The following TGFBR3 variants were observed in gnomAD, a reference collection of about 807,000 sequenced individuals.
The protein encoded by TGFBR3 is transforming growth factor beta receptor 3.
Under a neutral mutation model 87.9 loss-of-function variants are expected in TGFBR3, and 46 were observed. The ratio of observed to expected loss-of-function variants is 0.52; its 90% CI spans 0.41 to 0.67. TGFBR3 has a LOEUF of 0.67. Ranked by LOEUF, TGFBR3 falls within the 30% of genes least tolerant of loss-of-function variation. The pLI is 0.00. For missense variants in TGFBR3, 866 were observed against 1,041.9 expected (o/e 0.83, Z 2.32); for synonymous variants, 381 against 391.6 (o/e 0.97, Z 0.32).
rs892687423 is a variant in TGFBR3, at chr1:91,810,960, C to T, written c.62-13489G>A. Among the ~76,000 whole-genome samples, 9 of 152,242 alleles carry T rather than the reference C, an allele frequency of 5.9e-5. No homozygotes were observed. The South Asian group carries it at 8.3e-4, about 14-fold the overall frequency. The stretch of plus-strand genomic sequence containing the variant: ...TTTGAGTGCCAAACCTAGCTCTGCG[C>T]TTTCTAGCAGGCAGGATGAAAAGAA... On this transcript the variant is annotated intron_variant, in intron 2 of 16. Coordinates refer to ENST00000212355, the MANE Select transcript of TGFBR3 (RefSeq NM_003243.5).
chr1:91,705,241 T>C lies in TGFBR3; in HGVS notation c.2287+3422A>G, dbSNP rs1012672843. On this transcript the variant is annotated intron_variant, in intron 14 of 16. Transcript: ENST00000212355. ...GTCTCTTTTCTTTTTTTTTTTTTTTTTGAGACAGAGTTTTGCTCTGTCCCC... is the reference window on the plus strand; with the variant it reads ...GTCTCTTTTCTTTTTTTTTTTTTTTCTGAGACAGAGTTTTGCTCTGTCCCC... Among the ~76,000 whole-genome samples, 17 of 151,564 alleles carry C rather than the reference T, an allele frequency of 1.1e-4. 1 individual carries two copies. The highest frequency in any genetic ancestry group is 7.9e-4 in the Admixed American group (12 of 15,242).
At chr1:91,749,145 G>C (rs1363634162) in intron 4 of TGFBR3, among the ~76,000 whole-genome samples, 2 of 152,152 alleles carry the variant, frequency 1.3e-5, no homozygotes, top group African/African-American at 2.4e-5. Context: ...ATTGGGGCAG[G>C]CTTGGCTCCA....
intron 2 of TGFBR3, among the ~76,000 whole-genome samples, chr1:91,856,217 C>T (rs1349081778): frequency 6.6e-6 from 1 of 152,142 alleles, no homozygotes; most frequent in Admixed American, 6.5e-5. Flanking sequence ...CGTCCGCCAC[C>T]GCGCGTGGCT....
chr1:91,682,816 T>C lies in TGFBR3; in HGVS notation c.*923A>G, dbSNP rs1360852154. 4.4e-6 allele frequency: 2 copies of C among 453,902 alleles called. No individual in the cohort carries two copies. The highest frequency in any genetic ancestry group is 2.0e-5 in the African/African-American group (1 of 50,016). The allele number at this position is 453,902 out of a possible 1,614,324, so 28.1% of individuals were successfully genotyped here. On this transcript the variant is annotated 3_prime_UTR_variant, in exon 17 of 17. Coordinates refer to ENST00000212355, the MANE Select transcript of TGFBR3 (RefSeq NM_003243.5). ...TCTCTTCTTCAACTGAGAAAATGAATGTGCCAGGTGACATATTATATACTT... is the reference window on the plus strand; with the variant it reads ...TCTCTTCTTCAACTGAGAAAATGAACGTGCCAGGTGACATATTATATACTT...
rs1404272096 is a variant in TGFBR3, at chr1:91,681,748, C to T, written c.*1991G>A. 4.5e-6 allele frequency: 2 copies of T among 440,754 alleles called. No individual in the cohort carries two copies. Among genetic ancestry groups the T allele is most frequent in the South Asian group, 3.3e-5 (2 of 60,480 alleles). 27.3% of individuals were successfully genotyped at this position (440,754 alleles called of 1,614,324 possible). ...TGTAGTAAAATATAGCTATAAGTGA[C>T]TTAAAGACTCTAGTCTTCTTTGAAG... On this transcript the variant is annotated 3_prime_UTR_variant, in exon 17 of 17. Transcript: ENST00000212355.
chr1:91,816,785 A>G (rs1250360347), intron 2 of TGFBR3, among the ~76,000 whole-genome samples: 1 of 152,244 alleles, frequency 6.6e-6, no homozygotes, highest in Non-Finnish European at 1.5e-5. Context: ...AAATTTAGTT[A>G]TATACATTCT....
At chr1:91,811,036 T>C (rs1571534390) in intron 2 of TGFBR3, among the ~76,000 whole-genome samples, 1 of 152,052 alleles carries the variant, frequency 6.6e-6, no homozygotes, top group Admixed American at 6.5e-5. Flanking sequence ...CACAGGCAGG[T>C]GCAGTGGCTC....
intron 4 of TGFBR3, among the ~76,000 whole-genome samples, chr1:91,739,608 G>T (rs1673082343): frequency 6.6e-6 from 1 of 152,118 alleles, no homozygotes; most frequent in Non-Finnish European, 1.5e-5. Context: ...TCCTTGCTGG[G>T]GTTCCAGGTT....
Position 91,871,779 on chromosome 1 carries a change from G to A in TGFBR3, c.-113-10135C>T, listed in dbSNP as rs374908459. ...TACAGTACAGCATAGTGGAAAGTGC[G>A]GGGCCCCCATAGCCTACCTGAGTTC... is the stretch of plus-strand genomic sequence containing the variant. On this transcript the variant is annotated intron_variant, in intron 1 of 16. Coordinates refer to ENST00000212355, the MANE Select transcript of TGFBR3 (RefSeq NM_003243.5). Among the ~76,000 whole-genome samples the A allele has an allele frequency of 9.2e-5, 14 of 152,190 alleles. No homozygotes were observed. The East Asian group carries it at 1.2e-3, about 13-fold the overall frequency.
chr1:91,742,470 C>T (rs924399883), intron 4 of TGFBR3, among the ~76,000 whole-genome samples: 1 of 152,136 alleles, frequency 6.6e-6, no homozygotes, highest in Non-Finnish European at 1.5e-5. Context: ...CCCTTACTGC[C>T]CAGGAAATGA....
At chr1:91,708,814 AG>A (rs759204048) in intron 13 of TGFBR3, 31 bp from the exon 14 acceptor site, 22 of 1,612,086 alleles carry the variant, frequency 1.4e-5, no homozygotes, top group Non-Finnish European at 1.9e-5. Flanking sequence ...GCACAGAATC[AG>A]GGGCCACTCA....
chr1:91,714,881 A>G (rs1197244040), intron 12 of TGFBR3, among the ~76,000 whole-genome samples: 1 of 152,226 alleles, frequency 6.6e-6, no homozygotes, highest in African/African-American at 2.4e-5. Context: ...AAGAAAGAGA[A>G]CTCTCAGAAT....
intron 14 of TGFBR3, among the ~76,000 whole-genome samples, chr1:91,703,466 CA>C (rs1439968136): frequency 1.3e-5 from 2 of 152,136 alleles, no homozygotes. Flanking sequence ...TTCAGTATCT[CA>C]AACATTTAAC....
chr1:91,837,925 T>C (rs1677118968), intron 2 of TGFBR3, among the ~76,000 whole-genome samples: 1 of 152,210 alleles, frequency 6.6e-6, no homozygotes, highest in Admixed American at 6.5e-5. Context: ...ACCTTCATCT[T>C]TAACCTAGCA....
At chr1:91,831,598 A>C (rs1240549614) in intron 2 of TGFBR3, among the ~76,000 whole-genome samples, 1 of 152,226 alleles carries the variant, frequency 6.6e-6, no homozygotes, top group Non-Finnish European at 1.5e-5. Flanking sequence ...CAGGACCCAA[A>C]TGTTTTATAC....
At chr1:91,715,988 A>AT (rs201280265) in intron 12 of TGFBR3, among the ~76,000 whole-genome samples, 24,061 of 149,376 alleles carry the variant, frequency 0.16, 2,014 homozygotes, top group Non-Finnish European at 0.2. Flanking sequence ...ACACTTGCCA[A>AT]TTTTTTTTTT....
intron 3 of TGFBR3, among the ~76,000 whole-genome samples, chr1:91,774,802 T>C (rs1334556728): frequency 1.3e-5 from 2 of 152,138 alleles, no homozygotes; most frequent in South Asian, 2.1e-4. Flanking sequence ...CATTTTTTTT[T>C]CCAAGTACTT....
At chr1:91,827,777 C>T (rs1377741556) in intron 2 of TGFBR3, among the ~76,000 whole-genome samples, 1 of 152,148 alleles carries the variant, frequency 6.6e-6, no homozygotes, top group Non-Finnish European at 1.5e-5. Context: ...TTTTAGCCAA[C>T]CTGTTAACAA....
At chr1:91,882,662 G>A (rs1211589313) in intron 1 of TGFBR3, among the ~76,000 whole-genome samples, 1 of 151,996 alleles carries the variant, frequency 6.6e-6, no homozygotes, top group Non-Finnish European at 1.5e-5. Flanking sequence ...GGAGAATGGC[G>A]TGAACCTGGG....
Sources: allele counts gnomAD v4.1 joint callset (sites outside exome capture counted in the v4.1 genomes callset), GRCh38; gene constraint gnomAD v4.1.1; transcripts MANE v1.5; gene names NCBI Gene and HGNC (gene_info 2026-07-23, HGNC 2026-07-21).